SEMA3A: variants seen among roughly 807,000 people sequenced by gnomAD.
SEMA3A encodes the protein semaphorin 3A.
A neutral mutation model predicts 97.9 loss-of-function variants in SEMA3A; 29 were observed. The observed-to-expected ratio is 0.30, with a 90% CI of 0.22 to 0.40. The LOEUF (loss-of-function observed/expected upper bound fraction) is 0.40, where lower values mean the gene tolerates loss of function less well. Among genes scored for constraint, SEMA3A ranks in the 10% least tolerant of loss-of-function variants. The pLI, the probability that SEMA3A is intolerant of heterozygous loss-of-function variation, is 1.00. For synonymous variants in SEMA3A, 321 were observed against 323.7 expected (o/e 0.99, Z 0.09); for missense variants, 763 against 951.3 (o/e 0.80, Z 2.60).
chr7:84,364,827 G>A (rs1369232607), intron 2 of SEMA3A, among the ~76,000 whole-genome samples: 1 of 146,822 alleles, frequency 6.8e-6, no homozygotes, highest in African/African-American at 2.5e-5. Context: ...ACTGAGGAGT[G>A]AGAGAAAAAA....
At chr7:84,115,188 G>A (rs755894396) in intron 3 of SEMA3A, among the ~76,000 whole-genome samples, 96 of 151,944 alleles carry the variant, frequency 6.3e-4, no homozygotes, top group Non-Finnish European at 1.2e-3. Flanking sequence ...CATAATAATT[G>A]AACTATATCA....
At chr7:84,424,958 T>C (rs1231206940) in intron 1 of SEMA3A, among the ~76,000 whole-genome samples, 1 of 102,398 alleles carries the variant, frequency 9.8e-6, no homozygotes, top group Non-Finnish European at 1.7e-5. Flanking sequence ...TATAATTATA[T>C]ATATAATTTA....
rs1047783673 is a variant in SEMA3A at position 84,151,252 on chromosome 7, C to T, written c.113-16301G>A. On this transcript the variant is annotated intron_variant, in intron 1 of 16. Transcript: ENST00000265362. ...TAAGCTGGATGGAGAATGACTTTGA[C>T]GAGCTGAGAGAAGAAGGCTTCAGAC... 4.0e-3 allele frequency among the ~76,000 whole-genome samples: 605 copies of T among 152,164 alleles called. 3 individuals carry two copies. The highest frequency in any genetic ancestry group is 5.8e-3 in the Non-Finnish European group (392 of 67,990).
chr7:83,982,189 A>G (rs1049847421), intron 13 of SEMA3A, among the ~76,000 whole-genome samples: 1 of 152,154 alleles, frequency 6.6e-6, no homozygotes, highest in Non-Finnish European at 1.5e-5. Flanking sequence ...CTCGCTGCCC[A>G]TTAACACCCT....
intron 1 of SEMA3A, among the ~76,000 whole-genome samples, chr7:84,137,532 C>T (rs974021485): frequency 2.0e-5 from 3 of 150,940 alleles, no homozygotes; most frequent in Non-Finnish European, 4.4e-5. Flanking sequence ...AGGATGGAAA[C>T]GGGCTGCTGC....
In SEMA3A at chr7:83,977,199, GA is replaced by G. The variant is rs1262387018; in HGVS notation, c.1653-4del. 6.4e-7 allele frequency: 1 copy of G among 1,569,914 alleles called. No homozygotes were observed. Among genetic ancestry groups the G allele is most frequent in the African/African-American group, 1.4e-5 (1 of 73,470 alleles). ...TTATATCTTGTCGTCTTGTGCGTCT[GA>G]AGCAATTACATTTAAAAGGTGTTAT... On this transcript the variant is annotated splice_polypyrimidine_tract_variant and splice_region_variant and intron_variant, in intron 14 of 16. Coordinates refer to ENST00000265362, the MANE Select transcript of SEMA3A (RefSeq NM_006080.3).
intron 1 of SEMA3A, among the ~76,000 whole-genome samples, chr7:84,445,978 G>C (rs1805404104): frequency 6.6e-6 from 1 of 152,042 alleles, no homozygotes; most frequent in Non-Finnish European, 1.5e-5. Context: ...AGGAAAAAAT[G>C]AGAGAAGACT....
At chr7:84,197,451 T>C (rs988480527), upstream of SEMA3A, among the ~76,000 whole-genome samples, 7 of 152,148 alleles carry the variant, frequency 4.6e-5, no homozygotes, top group East Asian at 1.2e-3. Context: ...AAATAAAAAA[T>C]GAAAGAAGAA....
At chr7:84,483,917 G>A (rs998022454) in intron 1 of SEMA3A, among the ~76,000 whole-genome samples, 3 of 151,878 alleles carry the variant, frequency 2.0e-5, no homozygotes, top group African/African-American at 7.3e-5. Context: ...GGTGGTGCAC[G>A]CCTGTAATCC....
chr7:84,415,456 T>G (rs1804407307), intron 1 of SEMA3A, among the ~76,000 whole-genome samples: 1 of 152,118 alleles, frequency 6.6e-6, no homozygotes. Flanking sequence ...TGTAGAACAC[T>G]GTCCTAGCTT....
intron 1 of SEMA3A, among the ~76,000 whole-genome samples, chr7:84,373,586 T>C (rs1453983797): frequency 6.6e-6 from 1 of 152,194 alleles, no homozygotes; most frequent in Admixed American, 6.5e-5. Flanking sequence ...CTTTGAAACG[T>C]TGGCAAAGCT....
At chr7:83,973,579 A>G (rs1015245132) in intron 15 of SEMA3A, among the ~76,000 whole-genome samples, 4 of 152,162 alleles carry the variant, frequency 2.6e-5, no homozygotes, top group African/African-American at 9.7e-5. Flanking sequence ...GACACAGACT[A>G]TAATAGCACT....
intron 2 of SEMA3A, among the ~76,000 whole-genome samples, chr7:84,356,048 T>G (rs1802553544): frequency 6.6e-6 from 1 of 151,950 alleles, no homozygotes; most frequent in Non-Finnish European, 1.5e-5. Flanking sequence ...TTGCTACATG[T>G]CTAACTCATG....
chr7:84,149,755 T>C (rs1404888726), intron 1 of SEMA3A, among the ~76,000 whole-genome samples: 1 of 152,210 alleles, frequency 6.6e-6, no homozygotes, highest in Non-Finnish European at 1.5e-5. Flanking sequence ...AAACATTGTT[T>C]AGAGTGAAAT....
intron 4 of SEMA3A, among the ~76,000 whole-genome samples, chr7:84,078,714 T>C (rs1432375520): frequency 6.6e-6 from 1 of 151,952 alleles, no homozygotes; most frequent in Non-Finnish European, 1.5e-5. Context: ...ATTGCTTTAT[T>C]ATTATACATG....
At chr7:84,086,152 A>T (rs1794332352) in intron 4 of SEMA3A, among the ~76,000 whole-genome samples, 1 of 152,030 alleles carries the variant, frequency 6.6e-6, no homozygotes, top group African/African-American at 2.4e-5. Context: ...CCTGCTGCTG[A>T]TGTGGCTACT....
intron 3 of SEMA3A, among the ~76,000 whole-genome samples, chr7:84,293,033 T>A (rs1405457028): frequency 6.6e-6 from 1 of 152,072 alleles, no homozygotes; most frequent in Admixed American, 6.6e-5. Flanking sequence ...AGCAAAATTG[T>A]AGAATTTCTG....
chr7:84,221,927 A>C (rs559464784), intron 3 of SEMA3A, among the ~76,000 whole-genome samples: 1 of 152,108 alleles, frequency 6.6e-6, no homozygotes, highest in South Asian at 2.1e-4. Flanking sequence ...GTTTTGCCAA[A>C]ACCTTCAATT....
intron 3 of SEMA3A, among the ~76,000 whole-genome samples, chr7:84,251,638 T>G (rs1481724816): frequency 6.6e-6 from 1 of 152,174 alleles, no homozygotes; most frequent in Non-Finnish European, 1.5e-5. Flanking sequence ...GCCCTAGCAC[T>G]CTTTACATAA....
Sources: gnomAD v4.1 joint callset for allele counts (sites outside exome capture counted in the v4.1 genomes callset) on GRCh38, gnomAD v4.1.1 for gene constraint, MANE v1.5 for transcripts, NCBI Gene and HGNC (gene_info 2026-07-23, HGNC 2026-07-21) for gene names.